The following PBX4 variants were observed in gnomAD, a reference collection of about 807,000 sequenced individuals.
The protein encoded by PBX4 is pre-B-cell leukemia transcription factor 4.
A neutral mutation model predicts 35.1 loss-of-function variants in PBX4; 26 were observed. The observed-to-expected ratio is 0.74, with a 90% CI of 0.54 to 1.03. The LOEUF (loss-of-function observed/expected upper bound fraction) is 1.03. Among genes scored for constraint, PBX4 ranks in the 50% least tolerant of loss-of-function variants. The pLI is 0.00. For missense variants in PBX4, 448 were observed against 504.3 expected (o/e 0.89, Z 1.07); for synonymous variants, 199 against 204.2 (o/e 0.97, Z 0.22).
chr19:19,587,342 C>A (rs756078765), intron 2 of PBX4, among the ~76,000 whole-genome samples: 2 of 152,038 alleles, frequency 1.3e-5, no homozygotes, highest in Non-Finnish European at 2.9e-5. Flanking sequence ...AATACCAGCA[C>A]TTTGGAAGGC....
At chr19:19,599,180 G>C in intron 2 of PBX4, 112 bp downstream of exon 2, 1 of 852,124 alleles carries the variant, frequency 1.2e-6, no homozygotes, top group Non-Finnish European at 1.9e-6. Flanking sequence ...TGTTGGTCAG[G>C]CTGGTCTGGA....
At chr19:19,601,466 G>C (rs576453306) in intron 1 of PBX4, among the ~76,000 whole-genome samples, 1 of 152,284 alleles carries the variant, frequency 6.6e-6, no homozygotes, top group South Asian at 2.1e-4. Flanking sequence ...TGGTTGGCAG[G>C]ATAATGGCTC....
chr19:19,569,772 T>C (rs2061368911), intron 4 of PBX4, among the ~76,000 whole-genome samples, 188 bp from the exon 5 acceptor site: 1 of 152,104 alleles, frequency 6.6e-6, no homozygotes, highest in Non-Finnish European at 1.5e-5. Flanking sequence ...TAGCTGGGCA[T>C]GGTGGCGGGA....
intron 2 of PBX4, among the ~76,000 whole-genome samples, chr19:19,592,946 G>T (rs1193879431): frequency 1.3e-5 from 2 of 152,120 alleles, no homozygotes; most frequent in Non-Finnish European, 2.9e-5. Context: ...TGTGCCCTGG[G>T]GAGGCCCCTG....
rs1378282542 is a variant in PBX4 at position 19,579,385 on chromosome 19, T to TAGACTAA, written c.194-8553_194-8552insTTAGTCT. ...CCCAGTCTGTGGCATTTTGTTAGGG[T>TAGACTAA]GGCCTGAGTAGACTAAGACAGTAAC... On this transcript the variant is annotated intron_variant, in intron 2 of 7. Transcript: ENST00000251203. Among the ~76,000 whole-genome samples, 36 of 150,660 alleles carry TAGACTAA rather than the reference T, an allele frequency of 2.4e-4. 1 individual carries two copies. The South Asian group carries it at 2.9e-3, about 12-fold the overall frequency.
intron 1 of PBX4, among the ~76,000 whole-genome samples, chr19:19,601,918 C>A (rs894103715): frequency 6.6e-6 from 1 of 152,030 alleles, no homozygotes; most frequent in South Asian, 2.1e-4. Context: ...GCAGGCAGAT[C>A]GCTGGAGCTC....
At chr19:19,603,166 G>A (rs1045912098) in intron 1 of PBX4, among the ~76,000 whole-genome samples, 4 of 152,152 alleles carry the variant, frequency 2.6e-5, no homozygotes, top group African/African-American at 9.7e-5. Flanking sequence ...GGCATGGTGT[G>A]CCCCCTCCTC....
At chr19:19,593,943 T>C (rs974382842) in intron 2 of PBX4, among the ~76,000 whole-genome samples, 2 of 150,774 alleles carry the variant, frequency 1.3e-5, no homozygotes, top group Non-Finnish European at 3.0e-5. Context: ...CTGGGCAACA[T>C]ACTAAGACCT....
chr19:19,581,028 C>T (rs969236259), intron 2 of PBX4, among the ~76,000 whole-genome samples: 17 of 152,184 alleles, frequency 1.1e-4, no homozygotes, highest in Non-Finnish European at 1.8e-4. Context: ...CCACTACGCC[C>T]GACCAGATTT....
intron 2 of PBX4, among the ~76,000 whole-genome samples, chr19:19,582,243 C>T (rs1433643277): frequency 3.3e-5 from 5 of 152,184 alleles, no homozygotes; most frequent in Admixed American, 1.3e-4. Flanking sequence ...GGGTCCCTGG[C>T]GAGGGCTCCA....
chr19:19,581,694 T>C (rs181977456), intron 2 of PBX4, among the ~76,000 whole-genome samples: 1 of 152,108 alleles, frequency 6.6e-6, no homozygotes, highest in Non-Finnish European at 1.5e-5. Flanking sequence ...TTGGGAGACC[T>C]GTTTGGTGGG....
chr19:19,589,907 A>G (rs2061516144), intron 2 of PBX4, among the ~76,000 whole-genome samples: 1 of 152,174 alleles, frequency 6.6e-6, no homozygotes, highest in Non-Finnish European at 1.5e-5. Flanking sequence ...ACAAACCAGA[A>G]AAGTGCAAGC....
intron 1 of PBX4, among the ~76,000 whole-genome samples, chr19:19,616,926 C>T (rs955962834): frequency 3.3e-5 from 5 of 152,122 alleles, no homozygotes; most frequent in African/African-American, 9.7e-5. Context: ...TCGTGATTCA[C>T]CTGCCTTGGC....
intron 2 of PBX4, among the ~76,000 whole-genome samples, chr19:19,583,146 C>T (rs1228857761): frequency 6.6e-6 from 1 of 151,938 alleles, no homozygotes; most frequent in South Asian, 2.1e-4. Context: ...GGCGAAACCC[C>T]GTCTTTACTG....
chr19:19,594,212 C>T (rs895627097), intron 2 of PBX4, among the ~76,000 whole-genome samples: 2 of 151,904 alleles, frequency 1.3e-5, no homozygotes, highest in Non-Finnish European at 2.9e-5. Flanking sequence ...TCAAGACCAG[C>T]CTGACCAACA....
At chr19:19,596,555 C>T (rs1404896790) in intron 2 of PBX4, among the ~76,000 whole-genome samples, 1 of 152,036 alleles carries the variant, frequency 6.6e-6, no homozygotes, top group Non-Finnish European at 1.5e-5. Flanking sequence ...AGCAGCAACA[C>T]CCCAACAGCA....
chr19:19,590,155 C>T (rs1486820850), intron 2 of PBX4, among the ~76,000 whole-genome samples: 5 of 152,068 alleles, frequency 3.3e-5, no homozygotes, highest in East Asian at 3.9e-4. Flanking sequence ...CAAGGTTGTG[C>T]GACCACCACC....
chr19:19,591,838 T>C (rs1433248778), intron 2 of PBX4, among the ~76,000 whole-genome samples: 2 of 152,210 alleles, frequency 1.3e-5, no homozygotes, highest in African/African-American at 4.8e-5. Flanking sequence ...ACTGGGAACA[T>C]CAATGTGACA....
At chr19:19,611,051 G>A (rs2061660432) in intron 1 of PBX4, among the ~76,000 whole-genome samples, 1 of 152,086 alleles carries the variant, frequency 6.6e-6, no homozygotes, top group Admixed American at 6.6e-5. Context: ...TCTTTGAATG[G>A]GTGTGCGGAA....
Sources: gnomAD v4.1 joint callset for allele counts (sites outside exome capture counted in the v4.1 genomes callset) on GRCh38, gnomAD v4.1.1 for gene constraint, MANE v1.5 for transcripts, NCBI Gene and HGNC (gene_info 2026-07-23, HGNC 2026-07-21) for gene names.